Variants in MYOF observed in about 807,000 individuals in gnomAD.
The protein encoded by MYOF is fer-1-like 3, myoferlin.
MYOF carries 244 observed loss-of-function variants against 284.2 expected under a neutral mutation model. That is an observed-to-expected ratio of 0.86 (90% CI 0.77 to 0.95). MYOF has a LOEUF of 0.95. Ranked by LOEUF, MYOF falls within the 40% of genes least tolerant of loss-of-function variation. The pLI, the probability that MYOF is intolerant of heterozygous loss-of-function variation, is 0.00. For missense variants in MYOF, 2,496 were observed against 2,560.6 expected, an observed-to-expected ratio of 0.97 and a Z score of 0.54; for synonymous variants, 904 against 919.7, an observed-to-expected ratio of 0.98 and a Z score of 0.31.
chr10:93,434,778 A>C (rs1849039738), intron 3 of MYOF, among the ~76,000 whole-genome samples: 1 of 152,162 alleles, frequency 6.6e-6, no homozygotes, highest in Non-Finnish European at 1.5e-5. Flanking sequence ...ATGTTTTTAG[A>C]TCAGTATGTT....
intron 3 of MYOF, among the ~76,000 whole-genome samples, chr10:93,443,094 G>A (rs1295975506): frequency 2.8e-5 from 4 of 142,800 alleles, no homozygotes; most frequent in Non-Finnish European, 4.8e-5. Context: ...CCCGGAGGCG[G>A]AGGTTGCAGT....
chr10:93,460,699 G>A (rs11818691), intron 1 of MYOF, among the ~76,000 whole-genome samples: 2,244 of 150,160 alleles, frequency 0.015, 55 homozygotes, highest in African/African-American at 0.052. Flanking sequence ...CCCAGGAGGC[G>A]GAAGTTGCAG....
intron 3 of MYOF, among the ~76,000 whole-genome samples, chr10:93,448,502 C>T (rs536708802): frequency 1.1e-4 from 17 of 152,210 alleles, no homozygotes; most frequent in African/African-American, 3.9e-4. Flanking sequence ...CCTTAAGTAT[C>T]GTAACCTTCA....
At position 93,369,110 on chromosome 10, in the gene MYOF, C is replaced by CTTTTTTTTTTTTTTTTTTTTTTTTTTT. The variant is rs66923086; in HGVS notation, c.2589+534_2589+535insAAAAAAAAAAAAAAAAAAAAAAAAAAA. 2.2e-4 allele frequency among the ~76,000 whole-genome samples: 17 copies of CTTTTTTTTTTTTTTTTTTTTTTTTTTT among 78,314 alleles called. 4 individuals are homozygous for CTTTTTTTTTTTTTTTTTTTTTTTTTTT. Among genetic ancestry groups the CTTTTTTTTTTTTTTTTTTTTTTTTTTT allele is most frequent in the African/African-American group, 9.1e-4 (14 of 15,450 alleles). The allele number at this position is 78,314 out of a possible 152,430, so 51.4% of individuals were successfully genotyped here. A position where few individuals can be genotyped will look rare whatever the true frequency, so the allele number is the denominator to read the frequency against. The stretch of plus-strand genomic sequence containing the variant: ...TATTGTTTTAGAAGTATTCAGACAG[C>CTTTTTTTTTTTTTTTTTTTTTTTTTTT]TTTTTTTTTTTTTTTTTTTTTTGCC... On this transcript the variant is annotated intron_variant, in intron 25 of 53. Coordinates refer to ENST00000359263, the MANE Select transcript of MYOF (RefSeq NM_013451.4).
In MYOF at chr10:93,331,851, C is replaced by A. The variant is rs76518181; in HGVS notation, c.4811+1370G>T. ...ATAAAGCCAGAAATAAAAATATATG[C>A]CACGCAGCAAATAAGAACACAGTAT... On this transcript the variant is annotated intron_variant, in intron 43 of 53. Coordinates refer to ENST00000359263, the MANE Select transcript of MYOF (RefSeq NM_013451.4). Among the ~76,000 whole-genome samples the A allele has an allele frequency of 8.7e-3, 1,327 of 152,222 alleles. 15 individuals carry two copies. Among genetic ancestry groups the A allele is most frequent in the Non-Finnish European group, 0.013 (863 of 68,004 alleles).
chr10:93,320,372 G>A (rs1023066959), intron 48 of MYOF, among the ~76,000 whole-genome samples: 2 of 152,172 alleles, frequency 1.3e-5, no homozygotes, highest in Non-Finnish European at 2.9e-5. Context: ...ACTCATCAGT[G>A]TCTTTCAGCA....
intron 1 of MYOF, among the ~76,000 whole-genome samples, chr10:93,462,086 G>GC (rs1312233799): frequency 1.2e-5 from 1 of 80,160 alleles, no homozygotes; most frequent in African/African-American, 4.2e-5. Flanking sequence ...GCATTGCTAA[G>GC]CCCCCCACCT....
intron 3 of MYOF, among the ~76,000 whole-genome samples, chr10:93,435,655 T>C (rs1849085850): frequency 1.3e-5 from 2 of 152,186 alleles, no homozygotes; most frequent in South Asian, 4.1e-4. Context: ...CAGGAAACTA[T>C]CTAATGTTAA....
chr10:93,398,276 T>A (rs1589503672), intron 13 of MYOF, among the ~76,000 whole-genome samples: 1 of 152,142 alleles, frequency 6.6e-6, no homozygotes, highest in Admixed American at 6.6e-5. Flanking sequence ...TCTCTGCATA[T>A]CCAGGCCTCT....
rs1844040616 is a variant in MYOF, at chr10:93,343,790, A to C, written c.4326+66T>G. 6 of 1,479,626 alleles carry C rather than the reference A, an allele frequency of 4.1e-6. No individual in the cohort carries two copies. The African/African-American group carries it at 4.2e-5, about 10-fold the overall frequency. The allele number at this position is 1,479,626 out of a possible 1,614,324, so 91.7% of individuals were successfully genotyped here. On this transcript the variant is annotated intron_variant, in intron 38 of 53. Coordinates refer to ENST00000359263, the MANE Select transcript of MYOF (RefSeq NM_013451.4). ...AACTGTTGTTTGACTGAATTCACCA[A>C]ATGCTTAGACATCTAAGCATAGAAG... is the stretch of plus-strand genomic sequence containing the variant.
At chr10:93,469,740 C>T (rs1412773798) in intron 1 of MYOF, among the ~76,000 whole-genome samples, 5 of 152,126 alleles carry the variant, frequency 3.3e-5, no homozygotes, top group African/African-American at 1.2e-4. Context: ...GCGACCAAGA[C>T]CAAGCACTCA....
At chr10:93,437,156 G>A (rs907697562) in intron 3 of MYOF, among the ~76,000 whole-genome samples, 4 of 152,172 alleles carry the variant, frequency 2.6e-5, no homozygotes, top group Admixed American at 2.0e-4. Context: ...CACAATGGGA[G>A]CAACTACTTG....
intron 5 of MYOF, among the ~76,000 whole-genome samples, chr10:93,421,217 AAAAAAAAG>A (rs1848343782): frequency 6.6e-6 from 1 of 152,040 alleles, no homozygotes; most frequent in African/African-American, 2.4e-5. Context: ...ATTCCACTTC[AAAAAAAAG>A]AAAGAAAGAA....
At chr10:93,348,764 T>C (rs1844364278) in intron 36 of MYOF, among the ~76,000 whole-genome samples, 1 of 152,146 alleles carries the variant, frequency 6.6e-6, no homozygotes, top group African/African-American at 2.4e-5. Flanking sequence ...TGTAAATCTG[T>C]TACCTCTTGC....
At chr10:93,356,537 T>G in intron 30 of MYOF, 138 bp downstream of exon 30, 1 of 897,386 alleles carries the variant, frequency 1.1e-6, no homozygotes, top group Non-Finnish European at 1.7e-6. Flanking sequence ...ATGTGTGGCT[T>G]TCCCTCAACC....
intron 53 of MYOF, among the ~76,000 whole-genome samples, chr10:93,308,639 T>C (rs1842241605): frequency 6.7e-6 from 1 of 148,600 alleles, no homozygotes; most frequent in Non-Finnish European, 1.5e-5. Context: ...AGTGTACATA[T>C]ACTCATAGAT....
intron 1 of MYOF, among the ~76,000 whole-genome samples, chr10:93,469,261 C>A (rs2057082580): frequency 6.6e-6 from 1 of 152,066 alleles, no homozygotes; most frequent in South Asian, 2.1e-4. Context: ...ATTAGCCGGG[C>A]ATGGTGGTGC....
At chr10:93,394,894 A>G (rs1319610693) in intron 16 of MYOF, among the ~76,000 whole-genome samples, 1 of 150,466 alleles carries the variant, frequency 6.6e-6, no homozygotes, top group Non-Finnish European at 1.5e-5. Context: ...TATAGTGTGT[A>G]TATATATATG....
chr10:93,346,739 G>A (rs773464946), intron 37 of MYOF, among the ~76,000 whole-genome samples: 2 of 152,182 alleles, frequency 1.3e-5, no homozygotes, highest in Non-Finnish European at 2.9e-5. Context: ...TCCCCATCAA[G>A]ATATTTATCA....
Sources: allele counts gnomAD v4.1 joint callset (sites outside exome capture counted in the v4.1 genomes callset), GRCh38; gene constraint gnomAD v4.1.1; transcripts MANE v1.5; gene names NCBI Gene and HGNC (gene_info 2026-07-23, HGNC 2026-07-21).